Variants in SDK1 observed in about 807,000 individuals in gnomAD.
The protein encoded by SDK1 is protein sidekick-1.
SDK1 carries 157 observed loss-of-function variants against 245.5 expected under a neutral mutation model. The ratio of observed to expected loss-of-function variants is 0.64; its 90% CI spans 0.56 to 0.73. The LOEUF (loss-of-function observed/expected upper bound fraction) is 0.73, where lower values mean the gene tolerates loss of function less well. SDK1 is among the 30% of genes least tolerant of loss of function. The pLI, the probability that SDK1 is intolerant of heterozygous loss-of-function variation, is 0.00. For missense variants in SDK1, 3,583 were observed against 3,002.3 expected, an observed-to-expected ratio of 1.19 and a Z score of -4.52; for synonymous variants, 1,647 against 1,278.5, an observed-to-expected ratio of 1.29 and a Z score of -6.15.
intron 30 of SDK1, among the ~76,000 whole-genome samples, chr7:4,152,450 C>A (rs1404676799): frequency 3.3e-5 from 5 of 152,164 alleles, no homozygotes; most frequent in Non-Finnish European, 5.9e-5. Flanking sequence ...ATATAAATAA[C>A]CTCACCCTTT....
intron 1 of SDK1, among the ~76,000 whole-genome samples, chr7:3,615,569 T>C (rs1457027915): frequency 6.6e-6 from 1 of 151,734 alleles, no homozygotes; most frequent in Non-Finnish European, 1.5e-5. Flanking sequence ...GACTGTGTCT[T>C]ACACTTTGTA....
intron 37 of SDK1, among the ~76,000 whole-genome samples, chr7:4,208,939 A>G (rs998475573): frequency 7.9e-5 from 12 of 152,266 alleles, no homozygotes; most frequent in African/African-American, 2.9e-4. Flanking sequence ...GGCTCTGAGG[A>G]GCTCTCCAAG....
At chr7:3,686,116 C>T (rs112561666) in intron 4 of SDK1, among the ~76,000 whole-genome samples, 13,792 of 152,168 alleles carry the variant, frequency 0.091, 784 homozygotes, top group South Asian at 0.22. Context: ...GCTCTTGTTG[C>T]CCATGCTGGA....
At position 4,246,984 on chromosome 7, in the gene SDK1, A is replaced by G. The variant is rs117755273; in HGVS notation, c.6381+1179A>G. ...CAGGTGCACCATCTCCGTTTCTCAT[A>G]CTTACCAGCAAAAGCAGCAGAAGCA... On this transcript the variant is annotated intron_variant, in intron 44 of 44. Coordinates refer to ENST00000404826, the MANE Select transcript of SDK1 (RefSeq NM_152744.4). Among the ~76,000 whole-genome samples, 1,421 of 152,272 alleles carry G rather than the reference A, an allele frequency of 9.3e-3. 9 individuals are homozygous for G. The highest frequency in any genetic ancestry group is 0.015 in the Non-Finnish European group (1,028 of 68,020).
At chr7:4,005,585 C>T (rs1044831605) in intron 14 of SDK1, among the ~76,000 whole-genome samples, 2 of 152,060 alleles carry the variant, frequency 1.3e-5, no homozygotes, top group African/African-American at 4.8e-5. Flanking sequence ...TTAAACTTCC[C>T]TGAGTCTTGG....
intron 4 of SDK1, among the ~76,000 whole-genome samples, chr7:3,691,843 T>A (rs1227130219): frequency 6.6e-6 from 1 of 152,126 alleles, no homozygotes; most frequent in Non-Finnish European, 1.5e-5. Context: ...GGGTTGAAAA[T>A]GTATTATAAG....
chr7:3,542,169 A>AT (rs1779072389), intron 1 of SDK1, among the ~76,000 whole-genome samples: 1 of 152,140 alleles, frequency 6.6e-6, no homozygotes, highest in Non-Finnish European at 1.5e-5. Context: ...CCAATGATAG[A>AT]TTTTTCTAAT....
At chr7:3,321,784 C>CCTTCCTTCCTT (rs1779816357) in intron 1 of SDK1, among the ~76,000 whole-genome samples, 1 of 68,532 alleles carries the variant, frequency 1.5e-5, no homozygotes, top group African/African-American at 7.3e-5. Flanking sequence ...CCTTCTCCTT[C>CCTTCCTTCCTT]CTTCCTTCCT....
intron 5 of SDK1, among the ~76,000 whole-genome samples, chr7:3,891,350 T>C (rs891448122): frequency 6.6e-6 from 1 of 152,182 alleles, no homozygotes; most frequent in African/African-American, 2.4e-5. Flanking sequence ...TCATCCTCCA[T>C]GGCTACCTCT....
chr7:3,391,126 T>G (rs1781737956), intron 1 of SDK1, among the ~76,000 whole-genome samples: 1 of 152,148 alleles, frequency 6.6e-6, no homozygotes, highest in African/African-American at 2.4e-5. Context: ...AAAATCAAAG[T>G]TCATACCAGA....
At chr7:3,311,687 A>G (rs1562405844) in intron 1 of SDK1, among the ~76,000 whole-genome samples, 1 of 152,180 alleles carries the variant, frequency 6.6e-6, no homozygotes, top group Non-Finnish European at 1.5e-5. Flanking sequence ...GGCTTCTAGC[A>G]ACATTGTCAC....
At chr7:3,809,396 T>G (rs1779329767) in intron 4 of SDK1, among the ~76,000 whole-genome samples, 1 of 152,160 alleles carries the variant, frequency 6.6e-6, no homozygotes, top group Non-Finnish European at 1.5e-5. Context: ...GAGATTTGGA[T>G]GGAACACAGA....
chr7:3,845,005 A>T, intron 5 of SDK1, among the ~76,000 whole-genome samples: 1 of 152,314 alleles, frequency 6.6e-6, no homozygotes, highest in African/African-American at 2.4e-5. Flanking sequence ...CAGAGAATGG[A>T]CTACCTGAAA....
At chr7:3,744,815 A>C (rs974333749) in intron 4 of SDK1, among the ~76,000 whole-genome samples, 5 of 152,098 alleles carry the variant, frequency 3.3e-5, no homozygotes, top group South Asian at 4.1e-4. Context: ...CCATCTCAAA[A>C]AAACAAACAA....
At position 4,263,575 on chromosome 7, in the gene SDK1, CTGAG is replaced by C. The variant is rs529827999; in HGVS notation, c.6382-1544_6382-1541del. On this transcript the variant is annotated intron_variant, in intron 44 of 44. Coordinates refer to ENST00000404826, the MANE Select transcript of SDK1 (RefSeq NM_152744.4). ...AGTGGGGAGGCCGCGTAGACCTCTC[CTGAG>C]TGAGGGAGGCCGCGTAGACCTCTCC... is the stretch of plus-strand genomic sequence containing the variant. 2.3e-4 allele frequency among the ~76,000 whole-genome samples: 14 copies of C among 61,502 alleles called. No individual in the cohort carries two copies. The South Asian group carries it at 5.4e-3, about 24-fold the overall frequency. The allele number at this position is 61,502 out of a possible 152,430, so 40.3% of individuals were successfully genotyped here.
intron 4 of SDK1, among the ~76,000 whole-genome samples, chr7:3,646,079 G>A (rs531801958): frequency 1.3e-5 from 2 of 151,994 alleles, no homozygotes; most frequent in African/African-American, 2.4e-5. Context: ...GGCTGGTCTC[G>A]AACTCCTGAC....
Position 4,208,242 on chromosome 7 carries a change from T to A in SDK1, c.5358T>A (p.Asp1786Glu), listed in dbSNP as rs752741075. ...VSISAFNAAG[D>E]GPKSDPQQGR... is the part of the protein sequence containing the mutation. ...TATCAGCCTTCAACGCCGCCGGAGATGGACCTAAGAGTGACCCCCAGCAGG... is the reference window on the plus strand; with the variant it reads ...TATCAGCCTTCAACGCCGCCGGAGAAGGACCTAAGAGTGACCCCCAGCAGG... Residue 1786 changes from aspartate (D) to glutamate (E), a missense_variant, in exon 37 of 45, where the codon GAT becomes GAA. Coordinates refer to ENST00000404826, the MANE Select transcript of SDK1 (RefSeq NM_152744.4). 2.5e-6 allele frequency: 4 copies of A among 1,613,844 alleles called. No homozygotes were observed. Among genetic ancestry groups the A allele is most frequent in the Non-Finnish European group, 3.4e-6 (4 of 1,179,992 alleles).
chr7:4,127,317 C>G, intron 25 of SDK1, 64 bp from the exon 26 acceptor site: 3 of 1,232,562 alleles, frequency 2.4e-6, no homozygotes, highest in South Asian at 1.2e-5. Flanking sequence ...TGGGTGAAAG[C>G]TGGATCTTTG....
chr7:4,220,308 A>G (rs199843897), intron 39 of SDK1, 38 bp downstream of exon 39: 39 of 1,594,598 alleles, frequency 2.4e-5, no homozygotes, highest in Non-Finnish European at 3.3e-5. Flanking sequence ...GTCAATTGCA[A>G]CTTTAGCCTC....
Sources: gnomAD v4.1 joint callset for allele counts (sites outside exome capture counted in the v4.1 genomes callset) on GRCh38, gnomAD v4.1.1 for gene constraint, MANE v1.5 for transcripts, NCBI Gene and HGNC (gene_info 2026-07-23, HGNC 2026-07-21) for gene names.